LRP2: variants seen among roughly 807,000 people sequenced by gnomAD.
LRP2 encodes LDL receptor related protein 2, also known as low-density lipoprotein receptor-related protein 2.
A neutral mutation model predicts 531.0 loss-of-function variants in LRP2; 172 were observed. That is an observed-to-expected ratio of 0.32 (90% confidence interval 0.29 to 0.37). The LOEUF (loss-of-function observed/expected upper bound fraction) is 0.37. Among genes scored for constraint, LRP2 ranks in the 10% least tolerant of loss-of-function variants. The pLI is 1.00. For synonymous variants in LRP2, 1,992 were observed against 2,027.6 expected, an observed-to-expected ratio of 0.98 and a Z score of 0.47; for missense variants, 5,167 against 5,868.3, an observed-to-expected ratio of 0.88 and a Z score of 3.90.
intron 18 of LRP2, among the ~76,000 whole-genome samples, 190 bp from the exon 19 acceptor site, chr2:169,256,426 T>C (rs1690306129): frequency 6.6e-6 from 1 of 151,586 alleles, no homozygotes; most frequent in Non-Finnish European, 1.5e-5. Context: ...TTTCATGAAG[T>C]GGCTTTCAAT....
chr2:169,284,367 T>C (rs831015), intron 9 of LRP2, among the ~76,000 whole-genome samples: 107,917 of 148,468 alleles, frequency 0.73, 39,668 homozygotes, highest in East Asian at 0.9. Flanking sequence ...CGGGTTCAAG[T>C]GATCCTTCCA....
chr2:169,129,350 T>C (rs1685203494), intron 77 of LRP2, among the ~76,000 whole-genome samples: 1 of 152,208 alleles, frequency 6.6e-6, no homozygotes, highest in Non-Finnish European at 1.5e-5. Flanking sequence ...TGTGCCATAG[T>C]ATCTACAAGC....
chr2:169,181,488 C>A lies in LRP2; in HGVS notation c.10129G>T (p.Asp3377Tyr). 1 of 1,614,122 alleles carries A rather than the reference C, an allele frequency of 6.2e-7. No individual in the cohort carries two copies. The highest frequency in any genetic ancestry group is 8.5e-7 in the Non-Finnish European group (1 of 1,179,994). ...PNGITIDYTN[D>Y]LLYWADAHLG... ...TGGGCATCTGCCCAGTAGAGTAGATCATTGGTGTAATCAATGGTGATGCCA... is the reference window on the plus strand; with the variant it reads ...TGGGCATCTGCCCAGTAGAGTAGATAATTGGTGTAATCAATGGTGATGCCA... The change falls in exon 52 of 79, where the codon GAT becomes TAT. Residue 3377 changes from aspartate (D) to tyrosine (Y), a missense_variant. Physicochemically the swap from Asp to Tyr is radical, Grantham distance 160. Around this residue, in one of 6 missense-constraint regions of LRP2, gnomAD observed 1,129 missense variants for 1,362.7 expected, o/e 0.83. Transcript: ENST00000649046.
intron 29 of LRP2, 89 bp from the exon 30 acceptor site, chr2:169,233,677 G>A (rs932971002): frequency 1.4e-5 from 16 of 1,169,636 alleles, no homozygotes; most frequent in Non-Finnish European, 2.0e-5. Flanking sequence ...CAAGAAGACG[G>A]TTTCCTTTAA....
chr2:169,162,720 T>A (rs1686635743), intron 62 of LRP2, 120 bp from the exon 63 acceptor site: 3 of 1,050,748 alleles, frequency 2.9e-6, no homozygotes, highest in Non-Finnish European at 4.3e-6. Flanking sequence ...CATTTCCCAG[T>A]CTCCCTTGCA....
chr2:169,310,746 C>A (rs1235186311), intron 3 of LRP2, among the ~76,000 whole-genome samples: 1 of 152,108 alleles, frequency 6.6e-6, no homozygotes, highest in Non-Finnish European at 1.5e-5. Context: ...CCCTCTTTTT[C>A]TTTTGATTGG....
At chr2:169,193,628 C>T in intron 47 of LRP2, 133 bp downstream of exon 47, 1 of 1,129,210 alleles carries the variant, frequency 8.9e-7, no homozygotes, top group African/African-American at 1.5e-5. Context: ...CATGGAGAAA[C>T]AAAGGTAACA....
At position 169,164,420 on chromosome 2, in the gene LRP2, A is replaced by G. The variant is rs553222321; in HGVS notation, c.11758+1512T>C. 1.4e-4 allele frequency among the ~76,000 whole-genome samples: 21 copies of G among 152,322 alleles called. No individual in the cohort carries two copies. In the South Asian group the frequency reaches 4.1e-3, roughly 30 times the overall value. ...GTGTGTGAGAAGAAAATCATAAAGG[A>G]GTATTTAGTGACACAAGGGTAAATT... On this transcript the variant is annotated intron_variant, in intron 62 of 78. Transcript: ENST00000649046.
At chr2:169,188,757 C>T (rs556362870) in intron 48 of LRP2, among the ~76,000 whole-genome samples, 5 of 152,198 alleles carry the variant, frequency 3.3e-5, no homozygotes, top group African/African-American at 9.6e-5. Flanking sequence ...AGTGCCCATA[C>T]CCAAATGGAA....
intron 1 of LRP2, 79 bp from the exon 2 acceptor site, chr2:169,320,963 G>T: frequency 2.0e-6 from 2 of 1,025,578 alleles, no homozygotes; most frequent in East Asian, 2.6e-5. Context: ...TTGATAAAAT[G>T]AAAAATTATT....
chr2:169,299,196 A>C (rs969783365), intron 4 of LRP2, among the ~76,000 whole-genome samples: 1 of 151,876 alleles, frequency 6.6e-6, no homozygotes, highest in Admixed American at 6.6e-5. Context: ...AAAGAAATTC[A>C]GCACCTTGGA....
At chr2:169,277,555 T>C (rs1683588628) in intron 13 of LRP2, among the ~76,000 whole-genome samples, 190 bp downstream of exon 13, 1 of 152,138 alleles carries the variant, frequency 6.6e-6, no homozygotes, top group African/African-American at 2.4e-5. Context: ...TCTTGTGTTA[T>C]GGGACACAAG....
chr2:169,206,517 T>C lies in LRP2; in HGVS notation c.7203A>G (p.Leu2401=). Residue 2401 remains leucine (L), a synonymous_variant, in exon 39 of 79, where the codon TTA becomes TTG. Transcript: ENST00000649046. ...IFALSNSLRS[L]HLDPENHSPP... ...GGCTATGGTTTTCAGGGTCCAAGTG[T>C]AAGCTTCTCAAGGAATTAGACAAGG... 1.9e-6 allele frequency: 3 copies of C among 1,614,194 alleles called. No homozygotes were observed. The highest frequency in any genetic ancestry group is 2.5e-6 in the Non-Finnish European group (3 of 1,180,028).
chr2:169,139,676 G>T, intron 72 of LRP2, 66 bp from the exon 73 acceptor site: 1 of 1,364,234 alleles, frequency 7.3e-7, no homozygotes. Flanking sequence ...ATTTTTCTGA[G>T]CACATCCTGA....
chr2:169,342,243 A>T (rs960318815), intron 1 of LRP2, among the ~76,000 whole-genome samples: 2 of 152,196 alleles, frequency 1.3e-5, no homozygotes, highest in African/African-American at 4.8e-5. Context: ...ATTAACATAC[A>T]CATACATTGA....
At chr2:169,361,907 A>T (rs1469058173) in intron 1 of LRP2, among the ~76,000 whole-genome samples, 1 of 152,216 alleles carries the variant, frequency 6.6e-6, no homozygotes, top group South Asian at 2.1e-4. Flanking sequence ...GGGGCGCTGC[A>T]GGTGGAAAGC....
At chr2:169,316,477 T>C (rs543898556) in intron 3 of LRP2, among the ~76,000 whole-genome samples, 63 of 152,342 alleles carry the variant, frequency 4.1e-4, no homozygotes, top group African/African-American at 1.3e-3. Context: ...AGTTTAAGAC[T>C]GATTTTGTAT....
intron 6 of LRP2, 42 bp from the exon 7 acceptor site, chr2:169,292,411 C>T (rs374721867): frequency 5.9e-5 from 76 of 1,292,552 alleles, no homozygotes; most frequent in Admixed American, 4.7e-4. Flanking sequence ...CACAAATCAC[C>T]GGGAAAAACT....
At position 169,145,916 on chromosome 2, in the gene LRP2, G is replaced by A; in HGVS notation, c.12819C>T (p.Asn4273=). 6.2e-7 allele frequency: 1 copy of A among 1,613,914 alleles called. No homozygotes were observed. Among genetic ancestry groups the A allele is most frequent in the Non-Finnish European group, 8.5e-7 (1 of 1,179,970 alleles). The change falls in exon 70 of 79, where the codon AAC becomes AAT. Residue 4273 remains asparagine (N), a synonymous_variant. Transcript: ENST00000649046. ...CTTCAAAGATGTCCAGGCTGTAAGG[G>A]TTCATTGCTGCTTACCCACAGGGGA... ...DRRVIAKEAM[N]PYSLDIFEDQ... is the part of the protein sequence containing the mutation.
Sources: gnomAD v4.1 joint callset for allele counts (sites outside exome capture counted in the v4.1 genomes callset) on GRCh38, gnomAD v4.1.1 for gene constraint, gnomAD v4.1.1 regional missense constraint, MANE v1.5 for transcripts, NCBI Gene and HGNC (gene_info 2026-07-23, HGNC 2026-07-21) for gene names.